Variants in FSHR observed in about 807,000 individuals in gnomAD.
FSHR encodes follicle stimulating hormone receptor.
FSHR carries 46 observed loss-of-function variants against 52.1 expected under a neutral mutation model. The observed-to-expected ratio is 0.88, with a 90% CI of 0.70 to 1.13. The LOEUF is 1.13. Ranked by LOEUF, FSHR falls within the 50% of genes most tolerant of loss-of-function variation. The pLI, the probability that FSHR is intolerant of heterozygous loss-of-function variation, is 0.00. For synonymous variants in FSHR, 399 were observed against 309.6 expected, an observed-to-expected ratio of 1.29 and a Z score of -3.03; for missense variants, 964 against 834.6, an observed-to-expected ratio of 1.16 and a Z score of -1.91.
intron 1 of FSHR, among the ~76,000 whole-genome samples, chr2:49,091,798 A>C (rs1252063990): frequency 6.6e-6 from 1 of 152,172 alleles, no homozygotes; most frequent in East Asian, 1.9e-4. Flanking sequence ...TAAGTCTTTA[A>C]ATTGGTTAAC....
chr2:49,075,519 A>T (rs753767529), intron 1 of FSHR, among the ~76,000 whole-genome samples: 2 of 152,220 alleles, frequency 1.3e-5, no homozygotes, highest in Non-Finnish European at 2.9e-5. Context: ...ATCAGCAAAG[A>T]ATAAAAACTG....
At chr2:49,089,216 G>A (rs779228972) in intron 1 of FSHR, among the ~76,000 whole-genome samples, 3 of 151,946 alleles carry the variant, frequency 2.0e-5, no homozygotes, top group Non-Finnish European at 2.9e-5. Context: ...CATGTATTTC[G>A]ACAGGGAGAA....
intron 4 of FSHR, chr2:49,014,814 A>G (rs903534972): frequency 2.3e-6 from 1 of 441,188 alleles, no homozygotes; most frequent in African/African-American, 2.1e-5. Flanking sequence ...CATTAGCCAT[A>G]TGTGATAGTT....
At position 48,963,682 on chromosome 2, in the gene FSHR, T is replaced by C; in HGVS notation, c.1139A>G (p.Asn380Ser). 1 of 1,614,180 alleles carries C rather than the reference T, an allele frequency of 6.2e-7. No homozygotes were observed. The highest frequency in any genetic ancestry group is 8.5e-7 in the Non-Finnish European group (1 of 1,180,018). ...WFISILAITGNIIVLVILTTS... is the reference protein window; with the variant it reads ...WFISILAITGSIIVLVILTTS... ...AGTTAGGATCACTAGCACTATGATG[T>C]TCCCAGTGATGGCCAGGATGCTGAT... Residue 380 changes from asparagine to serine, a missense_variant, in exon 10 of 10, where the codon AAC (asparagine) becomes AGC (serine). Asn to Ser is a conservative substitution (Grantham distance 46, BLOSUM62 1). Transcript: ENST00000406846.
intron 8 of FSHR, among the ~76,000 whole-genome samples, chr2:48,975,387 C>A (rs1674940499): frequency 6.6e-6 from 1 of 152,112 alleles, no homozygotes; most frequent in African/African-American, 2.4e-5. Flanking sequence ...AATCCAACAC[C>A]TGAACACTGG....
At chr2:49,144,423 G>C (rs1482360798) in intron 1 of FSHR, among the ~76,000 whole-genome samples, 1 of 151,986 alleles carries the variant, frequency 6.6e-6, no homozygotes, top group Admixed American at 6.6e-5. Flanking sequence ...ATTTGTTTGG[G>C]GGAATGAGAT....
chr2:49,108,790 G>A (rs1231582994), intron 1 of FSHR, among the ~76,000 whole-genome samples: 2 of 152,180 alleles, frequency 1.3e-5, no homozygotes, highest in Non-Finnish European at 2.9e-5. Context: ...ATGGGGATGA[G>A]AGGATATGTT....
intron 1 of FSHR, among the ~76,000 whole-genome samples, chr2:49,141,170 C>T (rs1672671261): frequency 1.3e-5 from 2 of 152,174 alleles, no homozygotes; most frequent in African/African-American, 4.8e-5. Context: ...TTTAGTCCTT[C>T]TATTTATTCA....
intron 2 of FSHR, among the ~76,000 whole-genome samples, chr2:49,039,791 T>C (rs575591368): frequency 1.3e-5 from 2 of 152,340 alleles, no homozygotes; most frequent in Admixed American, 6.5e-5. Context: ...TAAAAGAGCA[T>C]GTGTAATATA....
chr2:49,046,474 C>T (rs568363941), intron 2 of FSHR, among the ~76,000 whole-genome samples: 10 of 152,262 alleles, frequency 6.6e-5, no homozygotes, highest in African/African-American at 2.2e-4. Context: ...TTGGCTTCAA[C>T]GTTCTCACTA....
At chr2:49,105,347 C>G (rs967694568) in intron 1 of FSHR, among the ~76,000 whole-genome samples, 1 of 152,058 alleles carries the variant, frequency 6.6e-6, no homozygotes, top group Non-Finnish European at 1.5e-5. Context: ...GTTTTCTCCA[C>G]CACCTGCTGC....
chr2:49,142,104 TA>T (rs1372908539), intron 1 of FSHR, among the ~76,000 whole-genome samples: 1 of 152,230 alleles, frequency 6.6e-6, no homozygotes, highest in African/African-American at 2.4e-5. Flanking sequence ...CCCTTTCATT[TA>T]TTCTTTCAAC....
chr2:48,979,977 G>A (rs540304149), intron 8 of FSHR, among the ~76,000 whole-genome samples: 2 of 152,206 alleles, frequency 1.3e-5, no homozygotes, highest in Non-Finnish European at 2.9e-5. Context: ...ACCTACACAA[G>A]CACCTCTCAG....
intron 2 of FSHR, among the ~76,000 whole-genome samples, chr2:49,032,394 G>A (rs1022106817): frequency 2.0e-5 from 3 of 152,122 alleles, no homozygotes; most frequent in African/African-American, 7.2e-5. Flanking sequence ...TTATTTAGTT[G>A]GAGGGAGCAA....
chr2:49,123,264 G>A (rs946685404), intron 1 of FSHR, among the ~76,000 whole-genome samples: 1 of 152,148 alleles, frequency 6.6e-6, no homozygotes, highest in Non-Finnish European at 1.5e-5. Flanking sequence ...ACTTTGGGAG[G>A]CTGAGGCGGG....
intron 1 of FSHR, among the ~76,000 whole-genome samples, chr2:49,142,807 A>G (rs1325728004): frequency 6.6e-6 from 1 of 152,116 alleles, no homozygotes; most frequent in Non-Finnish European, 1.5e-5. Context: ...GTTTGGAGCT[A>G]TAGTTTATGT....
At chr2:49,063,464 C>A (rs1357765056) in intron 2 of FSHR, among the ~76,000 whole-genome samples, 1 of 152,002 alleles carries the variant, frequency 6.6e-6, no homozygotes, top group Non-Finnish European at 1.5e-5. Context: ...GTGACACACA[C>A]TCACAATGGA....
Position 49,153,302 on chromosome 2 carries a change from A to T in FSHR, c.152+964T>A, listed in dbSNP as rs1446691829. ...TCTGTTTAAAATCCTTGCAATAAAA[A>T]CACAGAGAGTATCTAAAATCCCTGA... On this transcript the variant is annotated intron_variant, in intron 1 of 9. Coordinates refer to ENST00000406846, the MANE Select transcript of FSHR (RefSeq NM_000145.4). Among the ~76,000 whole-genome samples the T allele has an allele frequency of 5.3e-5, 8 of 152,230 alleles. No homozygotes were observed. In the East Asian group the frequency reaches 1.3e-3, roughly 26 times the overall value.
At chr2:49,140,886 C>T (rs1213209271) in intron 1 of FSHR, among the ~76,000 whole-genome samples, 1 of 152,082 alleles carries the variant, frequency 6.6e-6, no homozygotes, top group Non-Finnish European at 1.5e-5. Flanking sequence ...TACAGTGATT[C>T]CTGAGCCTCC....
Sources: gnomAD v4.1 joint callset for allele counts (sites outside exome capture counted in the v4.1 genomes callset) on GRCh38, gnomAD v4.1.1 for gene constraint, MANE v1.5 for transcripts, NCBI Gene and HGNC (gene_info 2026-07-23, HGNC 2026-07-21) for gene names.